Variants in LAMA2 observed in about 807,000 individuals in gnomAD.
The protein encoded by LAMA2 is laminin subunit alpha 2.
In LAMA2, 269 loss-of-function variants were observed where a neutral mutation model predicts 364.8. The observed-to-expected ratio is 0.74, with a 90% confidence interval of 0.67 to 0.82. LAMA2 has a LOEUF of 0.82. Among genes scored for constraint, LAMA2 ranks in the 40% least tolerant of loss-of-function variants. The probability of loss-of-function intolerance (pLI) is 0.00; values close to 1 mark genes in which losing one functional copy is unlikely to be tolerated. For synonymous variants in LAMA2, 1,379 were observed against 1,370.6 expected (o/e 1.01, Z -0.14); for missense variants, 3,807 against 3,873.2 (o/e 0.98, Z 0.45).
chr6:129,119,532 T>TATTA lies in LAMA2; in HGVS notation c.639+21134_639+21137dup, dbSNP rs199797275. On this transcript the variant is annotated intron_variant, in intron 4 of 64. Coordinates refer to ENST00000421865, the MANE Select transcript of LAMA2 (RefSeq NM_000426.4). ...ATATTATACATTTTATTTTATTTTT[T>TATTA]ATTAATTAATTAATTAATTATTTAT... Among the ~76,000 whole-genome samples the TATTA allele has an allele frequency of 1.9e-4, 29 of 151,522 alleles. No homozygotes were observed. The South Asian group carries it at 2.5e-3, about 13-fold the overall frequency.
At chr6:129,278,466 A>G (rs1788479153) in intron 17 of LAMA2, among the ~76,000 whole-genome samples, 1 of 152,192 alleles carries the variant, frequency 6.6e-6, no homozygotes, top group Admixed American at 6.5e-5. Context: ...ATGTCTGAAA[A>G]CAGTAACAGC....
intron 35 of LAMA2, among the ~76,000 whole-genome samples, chr6:129,387,573 A>G (rs1471597732): frequency 6.6e-6 from 1 of 152,246 alleles, no homozygotes; most frequent in African/African-American, 2.4e-5. Context: ...CCAAAGGAAT[A>G]TAAATCATTC....
intron 1 of LAMA2, among the ~76,000 whole-genome samples, chr6:128,919,091 C>T (rs1030852904): frequency 2.3e-4 from 35 of 152,198 alleles, no homozygotes; most frequent in Non-Finnish European, 4.6e-4. Flanking sequence ...CCTCTCCCAT[C>T]ACTTTTCACT....
At position 129,134,070 on chromosome 6, in the gene LAMA2, G is replaced by A. The variant is rs150273112; in HGVS notation, c.640-9831G>A. ...TATTTTAAACAAGTGTTCCCACACG[G>A]GGACTGAAAACAAAACAGGAAAATG... On this transcript the variant is annotated intron_variant, in intron 4 of 64. Coordinates refer to ENST00000421865, the MANE Select transcript of LAMA2 (RefSeq NM_000426.4). 8.6e-3 allele frequency among the ~76,000 whole-genome samples: 1,303 copies of A among 152,240 alleles called. 15 individuals carry two copies. Among genetic ancestry groups the A allele is most frequent in the Admixed American group, 0.03 (465 of 15,278 alleles).
intron 12 of LAMA2, among the ~76,000 whole-genome samples, chr6:129,227,831 G>A (rs1330717447): frequency 6.6e-6 from 1 of 152,144 alleles, no homozygotes; most frequent in Admixed American, 6.6e-5. Flanking sequence ...TCCATGCTGG[G>A]AGAACCACTA....
intron 12 of LAMA2, 147 bp downstream of exon 12, chr6:129,193,000 G>T: frequency 1.1e-6 from 1 of 877,414 alleles, no homozygotes; most frequent in Non-Finnish European, 1.8e-6. Context: ...TGAGTTGGGC[G>T]TTTCTTCCAT....
chr6:129,064,100 T>G (rs1363781113), intron 3 of LAMA2, among the ~76,000 whole-genome samples: 1 of 152,018 alleles, frequency 6.6e-6, no homozygotes, highest in African/African-American at 2.4e-5. Flanking sequence ...GATTACTGAT[T>G]AAAGGATGTG....
chr6:129,412,990 T>C (rs184382813), intron 40 of LAMA2, among the ~76,000 whole-genome samples: 7 of 152,256 alleles, frequency 4.6e-5, no homozygotes, highest in African/African-American at 1.7e-4. Flanking sequence ...AACATTAAAA[T>C]TGACAGGTTA....
intron 27 of LAMA2, among the ~76,000 whole-genome samples, chr6:129,319,827 A>C (rs1774841282): frequency 6.6e-6 from 1 of 152,186 alleles, no homozygotes; most frequent in African/African-American, 2.4e-5. Context: ...AGAGAAAAGA[A>C]AATGTTATTA....
At chr6:129,222,952 C>G (rs1039852861) in intron 12 of LAMA2, among the ~76,000 whole-genome samples, 2 of 152,170 alleles carry the variant, frequency 1.3e-5, no homozygotes, top group African/African-American at 4.8e-5. Context: ...AGTTTACAAT[C>G]CCACCAACAG....
chr6:128,995,458 A>G (rs1249885874), intron 1 of LAMA2, among the ~76,000 whole-genome samples: 1 of 152,168 alleles, frequency 6.6e-6, no homozygotes, highest in African/African-American at 2.4e-5. Flanking sequence ...AGTAGCTGGG[A>G]TTACAGGTGC....
At chr6:129,441,699 C>G (rs970591311) in intron 43 of LAMA2, among the ~76,000 whole-genome samples, 16 of 152,022 alleles carry the variant, frequency 1.1e-4, no homozygotes, top group African/African-American at 3.6e-4. Context: ...CTATATTGGG[C>G]CAGGTACAGT....
chr6:129,202,387 T>C (rs1474802255), intron 12 of LAMA2, among the ~76,000 whole-genome samples: 1 of 152,006 alleles, frequency 6.6e-6, no homozygotes, highest in African/African-American at 2.4e-5. Flanking sequence ...GATTAAGTCA[T>C]GAGGGCTCTA....
intron 1 of LAMA2, among the ~76,000 whole-genome samples, chr6:128,943,034 A>G (rs1780255493): frequency 6.6e-6 from 1 of 151,972 alleles, no homozygotes; most frequent in Non-Finnish European, 1.5e-5. Context: ...TTTCTTCTTT[A>G]TTTTGCACAT....
At chr6:129,496,869 C>CAAAT (rs1440413042) in intron 58 of LAMA2, among the ~76,000 whole-genome samples, 1 of 152,094 alleles carries the variant, frequency 6.6e-6, no homozygotes, top group Non-Finnish European at 1.5e-5. Flanking sequence ...AATTAATGGA[C>CAAAT]AAATAAGGAT....
At chr6:128,979,327 AG>A (rs1185660697) in intron 1 of LAMA2, among the ~76,000 whole-genome samples, 1 of 152,164 alleles carries the variant, frequency 6.6e-6, no homozygotes, top group Non-Finnish European at 1.5e-5. Flanking sequence ...GAACTAGTGC[AG>A]GGATATTTTG....
At chr6:129,126,960 C>A (rs764212883) in intron 4 of LAMA2, among the ~76,000 whole-genome samples, 3 of 152,026 alleles carry the variant, frequency 2.0e-5, no homozygotes, top group Non-Finnish European at 4.4e-5. Flanking sequence ...CCAGCGACTT[C>A]GGAGGTTGAG....
chr6:129,016,469 A>G (rs1299303883), intron 1 of LAMA2, among the ~76,000 whole-genome samples: 1 of 152,050 alleles, frequency 6.6e-6, no homozygotes, highest in African/African-American at 2.4e-5. Flanking sequence ...ATTTCATAGT[A>G]TCATAATATT....
At chr6:129,193,826 T>C (rs1781679902) in intron 12 of LAMA2, among the ~76,000 whole-genome samples, 1 of 152,162 alleles carries the variant, frequency 6.6e-6, no homozygotes, top group Non-Finnish European at 1.5e-5. Context: ...GACATGTGAG[T>C]ATTGAAATAG....
Sources: allele counts gnomAD v4.1 joint callset (sites outside exome capture counted in the v4.1 genomes callset), GRCh38; gene constraint gnomAD v4.1.1; transcripts MANE v1.5; gene names NCBI Gene and HGNC (gene_info 2026-07-23, HGNC 2026-07-21).